Variants in ABLIM1 observed in about 807,000 individuals in gnomAD.
ABLIM1 encodes actin-binding LIM protein 1.
A neutral mutation model predicts 107.0 loss-of-function variants in ABLIM1; 40 were observed. The ratio of observed to expected loss-of-function variants is 0.37; its 90% CI spans 0.29 to 0.49. ABLIM1 has a LOEUF of 0.49. Ranked by LOEUF, ABLIM1 falls within the 20% of genes least tolerant of loss-of-function variation. The pLI, the probability that ABLIM1 is intolerant of heterozygous loss-of-function variation, is 0.97. For synonymous variants in ABLIM1, 357 were observed against 357.3 expected (o/e 1.00, Z 0.01); for missense variants, 857 against 1,008.5 (o/e 0.85, Z 2.04).
chr10:114,464,364 T>C (rs1039227749), intron 12 of ABLIM1, among the ~76,000 whole-genome samples: 1 of 152,098 alleles, frequency 6.6e-6, no homozygotes, highest in Non-Finnish European at 1.5e-5. Flanking sequence ...TTTTGTATTT[T>C]TAGTAGAGAC....
intron 1 of ABLIM1, among the ~76,000 whole-genome samples, chr10:114,745,400 A>G (rs2082363480): frequency 6.9e-6 from 1 of 144,968 alleles, no homozygotes; most frequent in Admixed American, 6.9e-5. Flanking sequence ...GTCTGTACTA[A>G]AAATACAAAA....
At chr10:114,614,218 G>A (rs1011576129) in intron 1 of ABLIM1, among the ~76,000 whole-genome samples, 5 of 152,120 alleles carry the variant, frequency 3.3e-5, no homozygotes, top group Admixed American at 3.3e-4. Context: ...TTGGGAGGCT[G>A]AGGCAGGTGG....
In ABLIM1 at chr10:114,468,569, T is replaced by C. The variant is rs980898236; in HGVS notation, c.1276-353A>G. Among the ~76,000 whole-genome samples, 9 of 151,888 alleles carry C rather than the reference T, an allele frequency of 5.9e-5. No homozygotes were observed. In the South Asian group the frequency reaches 1.1e-3, roughly 18 times the overall value. ...GATTACAGGCGTGAGCCACCGCGCC[T>C]GGCCTCTTTGCCAGTTTTAATTAGA... On this transcript the variant is annotated intron_variant, in intron 10 of 22. Coordinates refer to ENST00000533213, the MANE Select transcript of ABLIM1 (RefSeq NM_002313.7).
At position 114,436,211 on chromosome 10, in the gene ABLIM1, G is replaced by T. The variant is rs2059353005; in HGVS notation, c.*49C>A. On this transcript the variant is annotated 3_prime_UTR_variant, in exon 23 of 23. Transcript: ENST00000533213. ...TGGGCCTCAATATGACATCCTATGG[G>T]GCACCGCCACTGTCAGTCCTTTCTC... 7 of 1,482,390 alleles carry T rather than the reference G, an allele frequency of 4.7e-6. No homozygotes were observed. Among genetic ancestry groups the T allele is most frequent in the Admixed American group, 3.5e-5 (2 of 57,818 alleles). 91.8% of individuals were successfully genotyped at this position (1,482,390 alleles called of 1,614,324 possible). A position where few individuals can be genotyped will look rare whatever the true frequency, so the allele number is the denominator to read the frequency against.
intron 1 of ABLIM1, among the ~76,000 whole-genome samples, chr10:114,682,501 A>G (rs1209791874): frequency 6.6e-6 from 1 of 152,250 alleles, no homozygotes; most frequent in Non-Finnish European, 1.5e-5. Context: ...AAAGCTAATT[A>G]AAAGTATTGC....
intron 4 of ABLIM1, among the ~76,000 whole-genome samples, chr10:114,560,158 G>T (rs1190475700): frequency 6.6e-6 from 1 of 152,092 alleles, no homozygotes; most frequent in East Asian, 1.9e-4. Flanking sequence ...AGACCCAAAA[G>T]GATTAAAAAC....
rs2078948996 is a variant in ABLIM1 at position 114,644,922 on chromosome 10, C to T, written c.244+13035G>A. Among the ~76,000 whole-genome samples the T allele has an allele frequency of 1.3e-5, 2 of 152,140 alleles. 1 individual carries two copies. Among genetic ancestry groups the T allele is most frequent in the South Asian group, 4.1e-4 (2 of 4,820 alleles). On this transcript the variant is annotated intron_variant, in intron 1 of 22. Transcript: ENST00000533213. ...TCAAACTAAACTGCTGGTCCTGGAGCAGCCTGGAATTCTGTACTTCCTGAG... is the reference window on the plus strand; with the variant it reads ...TCAAACTAAACTGCTGGTCCTGGAGTAGCCTGGAATTCTGTACTTCCTGAG...
chr10:114,489,530 T>A (rs7912323), intron 7 of ABLIM1, among the ~76,000 whole-genome samples: 122,713 of 152,128 alleles, frequency 0.81, 50,003 homozygotes, highest in Middle Eastern at 0.86. Flanking sequence ...AAACAAAAAA[T>A]TCAAACAAAA....
intron 1 of ABLIM1, among the ~76,000 whole-genome samples, chr10:114,667,504 AT>A (rs538778934): frequency 6.6e-6 from 1 of 152,186 alleles, no homozygotes; most frequent in Non-Finnish European, 1.5e-5. Context: ...CCTTGAATTA[AT>A]TTTTTGTTTC....
chr10:114,742,869 G>A (rs759624081), intron 1 of ABLIM1, among the ~76,000 whole-genome samples: 5 of 152,104 alleles, frequency 3.3e-5, no homozygotes, highest in Admixed American at 6.6e-5. Context: ...GTTGTAGTGC[G>A]CCAAGATTGT....
At chr10:114,481,608 G>C (rs1186170769) in intron 8 of ABLIM1, among the ~76,000 whole-genome samples, 1 of 152,132 alleles carries the variant, frequency 6.6e-6, no homozygotes, top group East Asian at 1.9e-4. Flanking sequence ...CAACTCCTTT[G>C]GAAAAAAGAA....
intron 20 of ABLIM1, 23 bp downstream of exon 20, chr10:114,440,059 A>G: frequency 6.2e-7 from 1 of 1,613,908 alleles, no homozygotes; most frequent in Non-Finnish European, 8.5e-7. Flanking sequence ...TGGCCAATTC[A>G]AGAAAGACAA....
At chr10:114,721,537 A>G (rs1399328552) in intron 1 of ABLIM1, among the ~76,000 whole-genome samples, 1 of 151,996 alleles carries the variant, frequency 6.6e-6, no homozygotes, top group African/African-American at 2.4e-5. Flanking sequence ...GCTGGGGTGC[A>G]GTGGCAGGAT....
the ABLIM1 span, among the ~76,000 whole-genome samples, chr10:114,781,974 C>T: frequency 6.6e-6 from 1 of 151,872 alleles, no homozygotes; most frequent in African/African-American, 2.4e-5. Context: ...TGTTTCAATT[C>T]CTACCAGCAA....
In ABLIM1 at chr10:114,684,399, A is replaced by G. The variant is rs1426226164; in HGVS notation, c.-46T>C. ...AGCTTTTCTTCACTAGGCATCTGGC[A>G]CACAGAAAGGCTGCAACACTCCTCA... is the stretch of plus-strand genomic sequence containing the variant. On this transcript the variant is annotated 5_prime_UTR_variant, in exon 1 of 24. Coordinates refer to the ABLIM1 transcript ENST00000369256. 3 of 1,613,168 alleles carry G rather than the reference A, an allele frequency of 1.9e-6. No homozygotes were observed. In the Admixed American group the frequency reaches 5.0e-5, roughly 27 times the overall value.
chr10:114,688,117 C>T (rs1252262430), upstream of ABLIM1, among the ~76,000 whole-genome samples: 2 of 152,072 alleles, frequency 1.3e-5, no homozygotes, highest in Non-Finnish European at 2.9e-5. Context: ...GTGCAGTTCA[C>T]CACACACTTA....
intron 14 of ABLIM1, among the ~76,000 whole-genome samples, chr10:114,448,678 A>G (rs942934015): frequency 4.0e-5 from 6 of 151,770 alleles, no homozygotes; most frequent in African/African-American, 1.5e-4. Context: ...CAGTGGTACA[A>G]TCTTGGCTCA....
chr10:114,669,133 T>C (rs4752090), intron 1 of ABLIM1, among the ~76,000 whole-genome samples: 109,993 of 152,158 alleles, frequency 0.72, 39,899 homozygotes, highest in African/African-American at 0.79. Flanking sequence ...CTCAAATTGA[T>C]CCTGTGCACA....
At chr10:114,523,787 C>T (rs1201772759) in intron 6 of ABLIM1, among the ~76,000 whole-genome samples, 1 of 152,176 alleles carries the variant, frequency 6.6e-6, no homozygotes, top group Admixed American at 6.5e-5. Flanking sequence ...AAATCATTGA[C>T]ATTCATTTGT....
Sources: allele counts gnomAD v4.1 joint callset (sites outside exome capture counted in the v4.1 genomes callset), GRCh38; gene constraint gnomAD v4.1.1; transcripts MANE v1.5; gene names NCBI Gene and HGNC (gene_info 2026-07-23, HGNC 2026-07-21).